OSBPL6: variants seen among roughly 807,000 people sequenced by gnomAD.
OSBPL6 encodes oxysterol-binding protein-related protein 6.
Under a neutral mutation model 125.8 loss-of-function variants are expected in OSBPL6, and 49 were observed. That is an observed-to-expected ratio of 0.39 (90% CI 0.31 to 0.49). OSBPL6 has a LOEUF of 0.49. OSBPL6 is among the 20% of genes least tolerant of loss of function. The pLI is 0.88. For missense variants in OSBPL6, 986 were observed against 1,135.4 expected (o/e 0.87, Z 1.89); for synonymous variants, 394 against 391.8 (o/e 1.01, Z -0.07).
intron 1 of OSBPL6, among the ~76,000 whole-genome samples, chr2:178,226,455 A>G (rs2090567269): frequency 6.6e-6 from 1 of 152,200 alleles, no homozygotes; most frequent in African/African-American, 2.4e-5. Flanking sequence ...GAAGAGGCAA[A>G]TGAATAAGAA....
At chr2:178,354,305 A>G (rs925000522) in intron 12 of OSBPL6, among the ~76,000 whole-genome samples, 2 of 152,212 alleles carry the variant, frequency 1.3e-5, no homozygotes, top group African/African-American at 4.8e-5. Context: ...TTGGATAAAG[A>G]GTCAAGACCC....
At chr2:178,240,542 TG>T (rs1197073780) in intron 1 of OSBPL6, among the ~76,000 whole-genome samples, 3 of 152,146 alleles carry the variant, frequency 2.0e-5, no homozygotes, top group Non-Finnish European at 2.9e-5. Context: ...CACTGCATTC[TG>T]GGCGTCTCAA....
rs140081940 is a variant in OSBPL6 at position 178,351,902 on chromosome 2, C to T, written c.1153+2513C>T. 3.3e-5 allele frequency among the ~76,000 whole-genome samples: 5 copies of T among 152,170 alleles called. No homozygotes were observed. In the East Asian group the frequency reaches 9.7e-4, roughly 29 times the overall value. ...TAATTATTGGGTACTGGGCTTAATACCTGAGTGATGAAATAATCTGTACAA... is the reference window on the plus strand; with the variant it reads ...TAATTATTGGGTACTGGGCTTAATATCTGAGTGATGAAATAATCTGTACAA... On this transcript the variant is annotated intron_variant, in intron 12 of 24. Coordinates refer to ENST00000190611, the MANE Select transcript of OSBPL6 (RefSeq NM_032523.4).
In OSBPL6 at chr2:178,402,748, C is replaced by T. The variant is rs977840029; in HGVS notation, c.*7189C>T. Reference sequence around the variant, plus strand: ...AAAATACAGCTTGTGGTTAAATTTCCTAATGAAAGAGGAATTATTCACTGA... The same window carrying T: ...AAAATACAGCTTGTGGTTAAATTTCTTAATGAAAGAGGAATTATTCACTGA... On this transcript the variant is annotated 3_prime_UTR_variant, in exon 25 of 25. Coordinates refer to ENST00000190611, the MANE Select transcript of OSBPL6 (RefSeq NM_032523.4). 1.3e-5 allele frequency: 2 copies of T among 152,100 alleles called. No homozygotes were observed. The highest frequency in any genetic ancestry group is 6.5e-5 in the Admixed American group (1 of 15,270). 9.4% of individuals were successfully genotyped at this position (152,100 alleles called of 1,614,324 possible). A position where few individuals can be genotyped will look rare whatever the true frequency, so the allele number is the denominator to read the frequency against.
chr2:178,384,299 C>T (rs1694743609), intron 18 of OSBPL6, 123 bp downstream of exon 18: 4 of 1,269,612 alleles, frequency 3.2e-6, no homozygotes, highest in African/African-American at 1.5e-5. Flanking sequence ...TTCGAAGTAT[C>T]TGAGACAGGT....
At chr2:178,383,953 G>A in intron 17 of OSBPL6, 86 bp from the exon 18 acceptor site, 2 of 1,437,158 alleles carry the variant, frequency 1.4e-6, no homozygotes, top group East Asian at 4.6e-5. Context: ...TCCACATGAG[G>A]TGTGTAAAAT....
intron 1 of OSBPL6, among the ~76,000 whole-genome samples, chr2:178,274,767 A>G (rs1338219957): frequency 6.6e-6 from 1 of 152,256 alleles, no homozygotes; most frequent in Non-Finnish European, 1.5e-5. Flanking sequence ...CCAGACACCA[A>G]AAATATATTT....
chr2:178,314,974 A>AT (rs1308284546), intron 3 of OSBPL6, among the ~76,000 whole-genome samples: 2 of 151,988 alleles, frequency 1.3e-5, no homozygotes, highest in Non-Finnish European at 2.9e-5. Flanking sequence ...TTGCCTCCTC[A>AT]TTTTTTTCCT....
chr2:178,343,996 A>T (rs1214922798), intron 11 of OSBPL6, among the ~76,000 whole-genome samples: 1 of 152,214 alleles, frequency 6.6e-6, no homozygotes, highest in East Asian at 1.9e-4. Flanking sequence ...AACAGTATGC[A>T]TATTTATTTT....
At position 178,228,880 on chromosome 2, in the gene OSBPL6, G is replaced by C. The variant is rs1177661103; in HGVS notation, c.-351+34206G>C. On this transcript the variant is annotated intron_variant, in intron 1 of 24. Coordinates refer to ENST00000190611, the MANE Select transcript of OSBPL6 (RefSeq NM_032523.4). ...ACCCAGGATGTTCTAAATATATTTA[G>C]TTTACCATTAACTGAACTGAATATT... Among the ~76,000 whole-genome samples, 3 of 152,162 alleles carry C rather than the reference G, an allele frequency of 2.0e-5. No homozygotes were observed. The East Asian group carries it at 5.8e-4, about 29-fold the overall frequency.
chr2:178,243,775 C>T (rs1035008463), intron 1 of OSBPL6, among the ~76,000 whole-genome samples: 4 of 152,176 alleles, frequency 2.6e-5, no homozygotes, highest in African/African-American at 9.7e-5. Flanking sequence ...GCCTCAGCCT[C>T]CTGAGTAGCT....
In OSBPL6 at chr2:178,383,077, C is replaced by A; in HGVS notation, c.1675C>A (p.Leu559Met). ...CTTCCGAAATGGGCGTCGAGCATGC[C>A]TGCCAGCTCCTTGTCCTGACACCAG... Reference protein sequence around the residue: ...GAFRNGRRACLPAPCPDTSNI... With the variant: ...GAFRNGRRACMPAPCPDTSNI... The change falls in exon 17 of 25, where the codon CTG (leucine) becomes ATG (methionine). Residue 559 changes from leucine to methionine, a missense_variant. Leu to Met is a conservative substitution (Grantham distance 15). This residue lies in a region of OSBPL6 where 843 missense variants were observed against 997.3 expected (regional missense o/e 0.85). Coordinates refer to ENST00000190611, the MANE Select transcript of OSBPL6 (RefSeq NM_032523.4). 3 of 1,614,192 alleles carry A rather than the reference C, an allele frequency of 1.9e-6. No individual in the cohort carries two copies. Among genetic ancestry groups the A allele is most frequent in the Non-Finnish European group, 2.5e-6 (3 of 1,180,022 alleles).
At chr2:178,242,582 A>G (rs112339545) in intron 1 of OSBPL6, among the ~76,000 whole-genome samples, 13 of 152,318 alleles carry the variant, frequency 8.5e-5, no homozygotes, top group African/African-American at 3.1e-4. Flanking sequence ...TTTGCATTGA[A>G]CAAAAAAATT....
At chr2:178,206,761 C>T (rs569962081) in intron 1 of OSBPL6, among the ~76,000 whole-genome samples, 2 of 152,080 alleles carry the variant, frequency 1.3e-5, no homozygotes, top group Non-Finnish European at 2.9e-5. Flanking sequence ...ACTACAGGCA[C>T]CTGCCATCAT....
At chr2:178,254,842 G>C (rs1445466269) in intron 1 of OSBPL6, among the ~76,000 whole-genome samples, 1 of 152,220 alleles carries the variant, frequency 6.6e-6, no homozygotes. Context: ...AATTCTCAAG[G>C]AGGTAGTGTA....
intron 2 of OSBPL6, among the ~76,000 whole-genome samples, chr2:178,290,057 T>C (rs932873875): frequency 9.9e-5 from 15 of 152,224 alleles, no homozygotes; most frequent in Admixed American, 2.6e-4. Flanking sequence ...CCATCCGTTT[T>C]TTTCACTTCA....
chr2:178,281,907 T>TA (rs1225011036), intron 1 of OSBPL6, among the ~76,000 whole-genome samples: 5 of 152,162 alleles, frequency 3.3e-5, no homozygotes, highest in African/African-American at 7.2e-5. Context: ...GGCACACATT[T>TA]ACCTGTGTAA....
intron 3 of OSBPL6, among the ~76,000 whole-genome samples, chr2:178,308,603 C>G (rs1559228184): frequency 6.6e-6 from 1 of 152,166 alleles, no homozygotes; most frequent in African/African-American, 2.4e-5. Context: ...AGCATTTCTA[C>G]TTAAATGCAC....
chr2:178,258,225 C>T (rs866755712), intron 1 of OSBPL6, among the ~76,000 whole-genome samples: 1 of 151,776 alleles, frequency 6.6e-6, no homozygotes, highest in East Asian at 1.9e-4. Flanking sequence ...CTCAGCCTCC[C>T]GAGTAGCTGG....
Sources: allele counts gnomAD v4.1 joint callset (sites outside exome capture counted in the v4.1 genomes callset), GRCh38; gene constraint gnomAD v4.1.1; regional missense constraint gnomAD v4.1.1; transcripts MANE v1.5; gene names NCBI Gene and HGNC (gene_info 2026-07-23, HGNC 2026-07-21).